DHRS12: variants seen among roughly 807,000 people sequenced by gnomAD.
The protein encoded by DHRS12 is dehydrogenase/reductase 12, also known as dehydrogenase/reductase SDR family member 12.
Under a neutral mutation model 32.1 loss-of-function variants are expected in DHRS12, and 29 were observed. That is an observed-to-expected ratio of 0.90 (90% CI 0.67 to 1.23). The LOEUF (loss-of-function observed/expected upper bound fraction) is 1.23. DHRS12 is among the 50% of genes most tolerant of loss of function. The pLI, the probability that DHRS12 is intolerant of heterozygous loss-of-function variation, is 0.00. For missense variants in DHRS12, 330 were observed against 337.2 expected, an observed-to-expected ratio of 0.98 and a Z score of 0.17; for synonymous variants, 150 against 135.9, an observed-to-expected ratio of 1.10 and a Z score of -0.72.
At position 51,779,895 on chromosome 13, in the gene DHRS12, TC is replaced by T. The variant is rs569864777; in HGVS notation, c.302-2775del. ...AGCTACCCTTTAAAATAAGAATGTC[TC>T]CTGGGCGTGGTGGCTCACACCTGTA... is the stretch of plus-strand genomic sequence containing the variant. On this transcript the variant is annotated intron_variant, in intron 4 of 8. Coordinates refer to ENST00000444610, the MANE Select transcript of DHRS12 (RefSeq NM_001377533.1). Among the ~76,000 whole-genome samples, 20 of 152,178 alleles carry T rather than the reference TC, an allele frequency of 1.3e-4. No homozygotes were observed. In the South Asian group the frequency reaches 4.1e-3, roughly 32 times the overall value.
At chr13:51,784,958 T>C (rs943460213) in intron 4 of DHRS12, among the ~76,000 whole-genome samples, 1 of 152,246 alleles carries the variant, frequency 6.6e-6, no homozygotes, top group Non-Finnish European at 1.5e-5. Context: ...CCAGGCGCAG[T>C]GGCTCATGCC....
chr13:51,767,777 GGGGC>G (rs1230995894), downstream of DHRS12: 204 of 39,860 alleles, frequency 5.1e-3, 23 homozygotes, highest in African/African-American at 0.018. Context: ...GCCCTCTCCT[GGGGC>G]GGGGGGGGGG....
chr13:51,800,983 C>T (rs765463619), intron 1 of DHRS12, among the ~76,000 whole-genome samples: 7 of 152,164 alleles, frequency 4.6e-5, no homozygotes, highest in Non-Finnish European at 8.8e-5. Context: ...GTAACAAGGG[C>T]TTGAACAACC....
chr13:51,768,946 C>G (rs1004749851), intron 8 of DHRS12: 36 of 1,400,698 alleles, frequency 2.6e-5, no homozygotes, highest in Admixed American at 3.3e-5. Flanking sequence ...ACAGGGTTAT[C>G]ACAAGTCTCC....
intron 3 of DHRS12, 42 bp downstream of exon 3, chr13:51,791,123 G>A (rs778132662): frequency 8.6e-5 from 119 of 1,379,846 alleles, no homozygotes; most frequent in Non-Finnish European, 1.2e-4. Context: ...GAAACAATGG[G>A]CCAACATGAA....
intron 4 of DHRS12, among the ~76,000 whole-genome samples, chr13:51,789,263 G>A (rs1363644960): frequency 1.3e-5 from 2 of 152,202 alleles, no homozygotes; most frequent in Non-Finnish European, 1.5e-5. Context: ...AAGTAGGATA[G>A]GTCCTGGGAA....
the DHRS12 span, chr13:51,756,719 T>A: frequency 1.1e-6 from 1 of 872,662 alleles, no homozygotes; most frequent in Non-Finnish European, 1.4e-6. Context: ...TTAAATTAGC[T>A]GCTCCCAGAA....
At chr13:51,767,961 A>ACTT (rs1331595687), downstream of DHRS12, 3 of 1,344,814 alleles carry the variant, frequency 2.2e-6, no homozygotes, top group Admixed American at 3.3e-5. Context: ...AATAAATGAG[A>ACTT]CTTAAAATAA....
At chr13:51,797,966 C>G (rs1955584236) in intron 2 of DHRS12, 2 of 1,495,194 alleles carry the variant, frequency 1.3e-6, no homozygotes, top group South Asian at 2.4e-5. Context: ...GAAACCAGCT[C>G]TTCCTAATGA....
the DHRS12 span, chr13:51,759,817 G>T: frequency 6.3e-7 from 1 of 1,575,674 alleles, no homozygotes; most frequent in Non-Finnish European, 8.7e-7. Flanking sequence ...AGAAACGGTT[G>T]TTTTAACCCA....
intron 7 of DHRS12, among the ~76,000 whole-genome samples, chr13:51,769,494 G>A (rs1050199816): frequency 1.3e-5 from 2 of 152,276 alleles, no homozygotes; most frequent in East Asian, 1.9e-4. Context: ...TCACCTGATG[G>A]AAAGTGGTGC....
intron 4 of DHRS12, among the ~76,000 whole-genome samples, chr13:51,783,469 T>C (rs1016476126): frequency 6.6e-6 from 1 of 152,200 alleles, no homozygotes; most frequent in Non-Finnish European, 1.5e-5. Context: ...GTTGATATAA[T>C]ATATATATAA....
At chr13:51,795,444 G>C (rs1955469688) in intron 2 of DHRS12, among the ~76,000 whole-genome samples, 1 of 152,226 alleles carries the variant, frequency 6.6e-6, no homozygotes, top group Admixed American at 6.5e-5. Context: ...TCTATTGATT[G>C]AGAGCTGTTT....
intron 4 of DHRS12, among the ~76,000 whole-genome samples, chr13:51,785,563 C>A (rs974108500): frequency 6.6e-6 from 1 of 152,146 alleles, no homozygotes; most frequent in Non-Finnish European, 1.5e-5. Context: ...TGGAATTGCT[C>A]GCACACCTGG....
At position 51,774,177 on chromosome 13, in the gene DHRS12, G is replaced by A. The variant is rs138569846; in HGVS notation, c.364-143C>T. The A allele has an allele frequency of 6.1e-6, 4 of 652,196 alleles. No individual in the cohort carries two copies. In the African/African-American group the frequency reaches 7.3e-5, roughly 12 times the overall value. The allele number at this position is 652,196 out of a possible 1,614,324, so 40.4% of individuals were successfully genotyped here. A position where few individuals can be genotyped will look rare whatever the true frequency, so the allele number is the denominator to read the frequency against. ...AAGCAACACATTGTATTCTCCTACAGTATTCTCCTACAGTACATGTATTCT... is the reference window on the plus strand; with the variant it reads ...AAGCAACACATTGTATTCTCCTACAATATTCTCCTACAGTACATGTATTCT... On this transcript the variant is annotated intron_variant, in intron 5 of 8. Transcript: ENST00000444610.
chr13:51,770,853 T>G, intron 7 of DHRS12: 2 of 1,075,704 alleles, frequency 1.9e-6, no homozygotes, highest in African/African-American at 1.7e-5. Flanking sequence ...GGCAGCAGAG[T>G]CTTCAGCCCT....
rs1953833088 is a variant in DHRS12, at chr13:51,768,107, CT to C, written c.*79del. ...CTTCGAGGGGAAGTTGAAGTGGGGTCTTCTTATTCACTGGTCCCTAGACCGC... is the reference window on the plus strand; with the variant it reads ...CTTCGAGGGGAAGTTGAAGTGGGGTCTCTTATTCACTGGTCCCTAGACCGC... On this transcript the variant is annotated 3_prime_UTR_variant, in exon 9 of 9. Transcript: ENST00000444610. The C allele has an allele frequency of 1.6e-6, 2 of 1,244,474 alleles. No individual in the cohort carries two copies. Among genetic ancestry groups the C allele is most frequent in the African/African-American group, 4.8e-5 (2 of 41,352 alleles). 77.1% of individuals were successfully genotyped at this position (1,244,474 alleles called of 1,614,324 possible).
In DHRS12 at chr13:51,772,540, A is replaced by G. The variant is rs528827013; in HGVS notation, c.469-629T>C. 1.8e-3 allele frequency: 1,407 copies of G among 785,372 alleles called. 3 individuals carry two copies. The highest frequency in any genetic ancestry group is 1.9e-3 in the Non-Finnish European group (1,258 of 647,392). The allele number at this position is 785,372 out of a possible 1,614,324, so 48.7% of individuals were successfully genotyped here. A position where few individuals can be genotyped will look rare whatever the true frequency, so the allele number is the denominator to read the frequency against. Reference sequence around the variant, plus strand: ...TTTGGAGCTGTAATCCCAGCTACTCAGGAGGCTGAGGTAGGAGAATTGCTT... The same window carrying G: ...TTTGGAGCTGTAATCCCAGCTACTCGGGAGGCTGAGGTAGGAGAATTGCTT... On this transcript the variant is annotated intron_variant, in intron 6 of 8. Coordinates refer to ENST00000444610, the MANE Select transcript of DHRS12 (RefSeq NM_001377533.1).
chr13:51,773,101 G>A (rs975683572), intron 6 of DHRS12: 24 of 969,702 alleles, frequency 2.5e-5, no homozygotes, highest in Non-Finnish European at 4.9e-6. Flanking sequence ...TTTAAATATA[G>A]CTGTAATAAG....
Sources: gnomAD v4.1 joint callset for allele counts (sites outside exome capture counted in the v4.1 genomes callset) on GRCh38, gnomAD v4.1.1 for gene constraint, MANE v1.5 for transcripts, NCBI Gene and HGNC (gene_info 2026-07-23, HGNC 2026-07-21) for gene names.